PDE4B: variants seen among roughly 807,000 people sequenced by gnomAD.
The protein encoded by PDE4B is phosphodiesterase 4B, also known as 3',5'-cyclic-AMP phosphodiesterase 4B.
A neutral mutation model predicts 82.2 loss-of-function variants in PDE4B; 20 were observed. The observed-to-expected ratio is 0.24, with a 90% CI of 0.17 to 0.35. The LOEUF is 0.35. Ranked by LOEUF, PDE4B falls within the 10% of genes least tolerant of loss-of-function variation. The pLI is 1.00. For synonymous variants in PDE4B, 320 were observed against 318.9 expected (o/e 1.00, Z -0.04); for missense variants, 655 against 907.2 (o/e 0.72, Z 3.57).
chr1:66,053,676 TG>T (rs1655153166), intron 3 of PDE4B, among the ~76,000 whole-genome samples: 1 of 151,984 alleles, frequency 6.6e-6, no homozygotes. Flanking sequence ...CTGACCAACA[TG>T]GTGAAACCCC....
chr1:65,827,287 T>G (rs1646030347), intron 1 of PDE4B, among the ~76,000 whole-genome samples: 1 of 152,098 alleles, frequency 6.6e-6, no homozygotes, highest in African/African-American at 2.4e-5. Context: ...AAAAGTCATT[T>G]GAAAAGACAC....
At chr1:66,055,109 C>T (rs1201812414) in intron 3 of PDE4B, among the ~76,000 whole-genome samples, 2 of 152,214 alleles carry the variant, frequency 1.3e-5, no homozygotes, top group East Asian at 3.8e-4. Flanking sequence ...CATCTAGGAA[C>T]TAAGGAATAT....
chr1:65,899,764 G>T (rs1391385968), intron 1 of PDE4B, among the ~76,000 whole-genome samples: 1 of 151,576 alleles, frequency 6.6e-6, no homozygotes, highest in Non-Finnish European at 1.5e-5. Flanking sequence ...ATTATTCTAA[G>T]TGAAGTAACT....
intron 3 of PDE4B, among the ~76,000 whole-genome samples, chr1:66,186,551 G>T (rs540321721): frequency 6.6e-6 from 1 of 151,944 alleles, no homozygotes; most frequent in Non-Finnish European, 1.5e-5. Flanking sequence ...GGTCCTTCAC[G>T]TCCCTTATAA....
chr1:65,815,021 TTTTATTTA>T (rs138553972), intron 1 of PDE4B, among the ~76,000 whole-genome samples: 6,975 of 145,118 alleles, frequency 0.048, 220 homozygotes, highest in African/African-American at 0.087. Flanking sequence ...TCAACACACA[TTTTATTTA>T]TTTATTTATT....
intron 3 of PDE4B, among the ~76,000 whole-genome samples, chr1:65,919,694 A>G (rs931714637): frequency 6.6e-6 from 1 of 152,206 alleles, no homozygotes; most frequent in African/African-American, 2.4e-5. Flanking sequence ...TTATTGTACA[A>G]CATTATTGTA....
chr1:65,965,518 A>AT (rs10588465), intron 3 of PDE4B, among the ~76,000 whole-genome samples: 1,673 of 150,206 alleles, frequency 0.011, 32 homozygotes, highest in African/African-American at 0.039. Context: ...GAATCTTGTG[A>AT]TTTTTTTTTT....
chr1:66,372,250 GA>G (rs1458686833), intron 16 of PDE4B, 62 bp from the exon 17 acceptor site: 2 of 1,504,472 alleles, frequency 1.3e-6, no homozygotes. Context: ...TGGAAACCAG[GA>G]AACCTTGTTT....
intron 7 of PDE4B, among the ~76,000 whole-genome samples, chr1:66,297,126 C>T (rs561983012): frequency 6.4e-4 from 97 of 152,126 alleles, no homozygotes; most frequent in African/African-American, 2.3e-3. Flanking sequence ...ATTAGACTCA[C>T]ACAGATTCAG....
intron 1 of PDE4B, among the ~76,000 whole-genome samples, chr1:65,803,897 A>G (rs752716921): frequency 7.9e-5 from 12 of 152,322 alleles, no homozygotes; most frequent in Non-Finnish European, 1.6e-4. Flanking sequence ...AACCATGGCA[A>G]ATGTCATGCT....
At chr1:66,074,922 G>A (rs968940417) in intron 3 of PDE4B, among the ~76,000 whole-genome samples, 1 of 151,992 alleles carries the variant, frequency 6.6e-6, no homozygotes. Flanking sequence ...TTTGGCTATC[G>A]TGAATAGTTG....
chr1:66,128,032 C>G (rs1017421884), intron 3 of PDE4B, among the ~76,000 whole-genome samples: 1 of 151,944 alleles, frequency 6.6e-6, no homozygotes, highest in Non-Finnish European at 1.5e-5. Flanking sequence ...TATGTTTGAC[C>G]TCAACTGATG....
chr1:66,189,524 G>C (rs917700386), intron 3 of PDE4B, among the ~76,000 whole-genome samples: 2 of 152,102 alleles, frequency 1.3e-5, no homozygotes, highest in African/African-American at 4.8e-5. Flanking sequence ...TGGAGGCTTT[G>C]TTTGTTTCTT....
chr1:66,149,790 A>C (rs932860843), intron 3 of PDE4B, among the ~76,000 whole-genome samples: 7 of 152,248 alleles, frequency 4.6e-5, no homozygotes, highest in African/African-American at 1.4e-4. Flanking sequence ...GAGTTTGAGG[A>C]TGCAGTAAGC....
chr1:66,274,327 ATT>A (rs34185918), intron 7 of PDE4B, among the ~76,000 whole-genome samples: 69,630 of 147,884 alleles, frequency 0.47, 17,272 homozygotes, highest in Non-Finnish European at 0.56. Flanking sequence ...CACCCAGCTA[ATT>A]TTTTTTTTTT....
At chr1:65,999,485 G>GAA (rs894569021) in intron 3 of PDE4B, among the ~76,000 whole-genome samples, 1 of 152,148 alleles carries the variant, frequency 6.6e-6, no homozygotes, top group Non-Finnish European at 1.5e-5. Flanking sequence ...CTGCCTGGAA[G>GAA]AAAAGTACCT....
intron 1 of PDE4B, among the ~76,000 whole-genome samples, chr1:65,843,326 T>C (rs2101353604): frequency 6.6e-6 from 1 of 152,244 alleles, no homozygotes; most frequent in East Asian, 1.9e-4. Flanking sequence ...CTGGCTTCTC[T>C]TTCATCATTT....
intron 2 of PDE4B, among the ~76,000 whole-genome samples, chr1:65,914,645 T>C (rs1427888855): frequency 6.6e-6 from 1 of 151,956 alleles, no homozygotes; most frequent in Non-Finnish European, 1.5e-5. Context: ...TTAATACTAT[T>C]TGTATACTGT....
In PDE4B at chr1:66,105,331, T is replaced by C. The variant is rs556004095; in HGVS notation, c.282-142129T>C. ...TTTTGGTACCAGTACCATGCTATTTTGGTTACTGTAGCCTTGTAGTATAGT... is the reference window on the plus strand; with the variant it reads ...TTTTGGTACCAGTACCATGCTATTTCGGTTACTGTAGCCTTGTAGTATAGT... On this transcript the variant is annotated intron_variant, in intron 3 of 16. Coordinates refer to ENST00000341517, the MANE Select transcript of PDE4B (RefSeq NM_002600.4). 1.3e-3 allele frequency among the ~76,000 whole-genome samples: 196 copies of C among 151,948 alleles called. No individual in the cohort carries two copies. In the Middle Eastern group the frequency reaches 0.017, roughly 13 times the overall value.
Sources: gnomAD v4.1 joint callset for allele counts (sites outside exome capture counted in the v4.1 genomes callset) on GRCh38, gnomAD v4.1.1 for gene constraint, MANE v1.5 for transcripts, NCBI Gene and HGNC (gene_info 2026-07-23, HGNC 2026-07-21) for gene names.